Variants in ERC2 observed in about 807,000 individuals in gnomAD.
ERC2 encodes ERC protein 2.
ERC2 carries 42 observed loss-of-function variants against 114.8 expected under a neutral mutation model. That is an observed-to-expected ratio of 0.37 (90% CI 0.29 to 0.47). The LOEUF is 0.47. Among genes scored for constraint, ERC2 ranks in the 20% least tolerant of loss-of-function variants. The pLI, the probability that ERC2 is intolerant of heterozygous loss-of-function variation, is 0.99. For missense variants in ERC2, 939 were observed against 1,150.7 expected (o/e 0.82, Z 2.66); for synonymous variants, 454 against 425.5 (o/e 1.07, Z -0.82).
intron 2 of ERC2, among the ~76,000 whole-genome samples, chr3:56,360,984 G>C (rs368350654): frequency 1.3e-3 from 191 of 152,212 alleles, no homozygotes; most frequent in Non-Finnish European, 7.6e-4. Context: ...TCCACTATTG[G>C]GGTAGTCATG....
intron 3 of ERC2, among the ~76,000 whole-genome samples, chr3:56,267,378 A>G (rs2053380566): frequency 6.6e-6 from 1 of 152,238 alleles, no homozygotes; most frequent in East Asian, 1.9e-4. Flanking sequence ...GAAAAAGGCT[A>G]CATGATCTCA....
intron 14 of ERC2, among the ~76,000 whole-genome samples, chr3:55,842,825 G>C (rs1438552907): frequency 6.6e-6 from 1 of 152,084 alleles, no homozygotes; most frequent in African/African-American, 2.4e-5. Context: ...TCAAACGTTA[G>C]AGGTTCTAAC....
At chr3:56,203,580 G>T (rs1240881596) in intron 3 of ERC2, among the ~76,000 whole-genome samples, 1 of 152,108 alleles carries the variant, frequency 6.6e-6, no homozygotes, top group Non-Finnish European at 1.5e-5. Flanking sequence ...TGAGGAAAAG[G>T]CACATTCTCC....
At chr3:56,339,697 T>C (rs2058010309) in intron 2 of ERC2, among the ~76,000 whole-genome samples, 1 of 152,106 alleles carries the variant, frequency 6.6e-6, no homozygotes, top group Non-Finnish European at 1.5e-5. Flanking sequence ...CTGTCCTTAC[T>C]CCACCCTCTC....
chr3:56,368,568 T>A (rs2059241596), intron 2 of ERC2, among the ~76,000 whole-genome samples: 1 of 152,200 alleles, frequency 6.6e-6, no homozygotes, highest in Non-Finnish European at 1.5e-5. Context: ...CCATTAGTCC[T>A]TATGGCCATG....
At chr3:55,925,655 C>T (rs960422665) in intron 13 of ERC2, among the ~76,000 whole-genome samples, 1 of 151,908 alleles carries the variant, frequency 6.6e-6, no homozygotes, top group African/African-American at 2.4e-5. Flanking sequence ...GAACTACGCA[C>T]CCAGCAAACA....
rs1236628819 is a variant in ERC2 at position 56,307,361 on chromosome 3, C to T, written c.658-10926G>A. Among the ~76,000 whole-genome samples the T allele has an allele frequency of 1.3e-5, 2 of 152,190 alleles. 1 individual carries two copies. The highest frequency in any genetic ancestry group is 4.1e-4 in the South Asian group (2 of 4,826). ...CAATTTATCTTTTCCATGCAGTGCA[C>T]AATTACAGTGTAGGGAGGAAAGTAT... is the stretch of plus-strand genomic sequence containing the variant. On this transcript the variant is annotated intron_variant, in intron 2 of 17. Coordinates refer to ENST00000288221, the MANE Select transcript of ERC2 (RefSeq NM_015576.3).
chr3:56,243,820 G>C (rs555483076), intron 3 of ERC2, among the ~76,000 whole-genome samples: 76 of 152,240 alleles, frequency 5.0e-4, no homozygotes, highest in African/African-American at 1.7e-3. Flanking sequence ...CCTATTCTGT[G>C]CTAAGTGATG....
intron 17 of ERC2, among the ~76,000 whole-genome samples, chr3:55,597,375 G>A (rs1282602116): frequency 1.3e-5 from 2 of 149,558 alleles, no homozygotes; most frequent in South Asian, 2.1e-4. Context: ...AGCCCAGACC[G>A]CGCCACTGCA....
chr3:55,707,172 G>C (rs1231701447), intron 15 of ERC2, among the ~76,000 whole-genome samples: 1 of 152,164 alleles, frequency 6.6e-6, no homozygotes, highest in Non-Finnish European at 1.5e-5. Flanking sequence ...AGTGGCTCAT[G>C]CCTGAAATCT....
intron 17 of ERC2, among the ~76,000 whole-genome samples, chr3:55,614,325 C>T (rs2059035927): frequency 6.6e-6 from 1 of 152,064 alleles, no homozygotes; most frequent in South Asian, 2.1e-4. Flanking sequence ...GAGTGGAAGC[C>T]AGGTATCAGT....
chr3:56,423,045 C>G (rs548647867), intron 2 of ERC2, among the ~76,000 whole-genome samples: 1 of 152,278 alleles, frequency 6.6e-6, no homozygotes, highest in Non-Finnish European at 1.5e-5. Flanking sequence ...AGATTGACAC[C>G]TATTTACCAA....
At chr3:56,008,559 T>C (rs1279230226) in intron 9 of ERC2, among the ~76,000 whole-genome samples, 2 of 152,216 alleles carry the variant, frequency 1.3e-5, no homozygotes, top group African/African-American at 4.8e-5. Context: ...AGCTCCCTGC[T>C]GACGGCAACT....
At chr3:55,590,138 C>T (rs555800457) in intron 17 of ERC2, among the ~76,000 whole-genome samples, 9 of 152,124 alleles carry the variant, frequency 5.9e-5, no homozygotes, top group East Asian at 1.9e-4. Flanking sequence ...TGTAGGATAA[C>T]GATGGCCAAT....
chr3:55,672,100 T>C (rs548301532), intron 17 of ERC2, among the ~76,000 whole-genome samples: 1 of 152,142 alleles, frequency 6.6e-6, no homozygotes, highest in Non-Finnish European at 1.5e-5. Flanking sequence ...CTCAGCACCT[T>C]GGGAGCTGAG....
chr3:55,607,302 A>G (rs370718506), intron 17 of ERC2, among the ~76,000 whole-genome samples: 98 of 152,308 alleles, frequency 6.4e-4, no homozygotes, highest in African/African-American at 2.1e-3. Context: ...GTGAGTGGTC[A>G]GGGAAGGCTT....
At chr3:56,390,014 G>T (rs1291247597) in intron 2 of ERC2, among the ~76,000 whole-genome samples, 2 of 152,102 alleles carry the variant, frequency 1.3e-5, no homozygotes, top group Non-Finnish European at 2.9e-5. Flanking sequence ...AAATCATTTA[G>T]TTAATAATTC....
chr3:56,260,056 A>G (rs556490058), intron 3 of ERC2, among the ~76,000 whole-genome samples: 1 of 152,332 alleles, frequency 6.6e-6, no homozygotes, highest in East Asian at 1.9e-4. Context: ...GTTGCTAACT[A>G]GAGTTTCTTG....
At chr3:55,700,453 T>A (rs1388826053) in intron 15 of ERC2, among the ~76,000 whole-genome samples, 2 of 152,174 alleles carry the variant, frequency 1.3e-5, no homozygotes, top group Admixed American at 6.5e-5. Context: ...TTTCCTCAAC[T>A]CTAAAATGAG....
Sources: allele counts gnomAD v4.1 joint callset (sites outside exome capture counted in the v4.1 genomes callset), GRCh38; gene constraint gnomAD v4.1.1; transcripts MANE v1.5; gene names NCBI Gene and HGNC (gene_info 2026-07-23, HGNC 2026-07-21).